RNPEP: variants seen among roughly 807,000 people sequenced by gnomAD.
RNPEP encodes arginyl aminopeptidase, also known as aminopeptidase B.
RNPEP carries 57 observed loss-of-function variants against 70.1 expected under a neutral mutation model. The ratio of observed to expected loss-of-function variants is 0.81; its 90% confidence interval spans 0.66 to 1.01. RNPEP has a LOEUF of 1.01. RNPEP is among the 50% of genes least tolerant of loss of function. The probability of loss-of-function intolerance (pLI) is 0.00; values close to 1 mark genes in which losing one functional copy is unlikely to be tolerated. For synonymous variants in RNPEP, 335 were observed against 357.4 expected, an observed-to-expected ratio of 0.94 and a Z score of 0.71; for missense variants, 787 against 852.4, an observed-to-expected ratio of 0.92 and a Z score of 0.96.
chr1:202,005,141 T>C (rs1310087483), intron 10 of RNPEP, among the ~76,000 whole-genome samples: 4 of 152,134 alleles, frequency 2.6e-5, no homozygotes, highest in African/African-American at 7.2e-5. Context: ...GAATTTGACC[T>C]GTGGGTTGAC....
intron 10 of RNPEP, 38 bp from the exon 11 acceptor site, chr1:202,005,520 G>C: frequency 4.4e-6 from 7 of 1,607,814 alleles, no homozygotes; most frequent in Non-Finnish European, 6.0e-6. Context: ...GATCCACCAG[G>C]CAAGCTTCTT....
chr1:201,986,152 A>T (rs1683124426), intron 1 of RNPEP, among the ~76,000 whole-genome samples: 1 of 152,192 alleles, frequency 6.6e-6, no homozygotes, highest in South Asian at 2.1e-4. Flanking sequence ...CTTGTCTCAA[A>T]CGCTTGGGCT....
At position 202,005,482 on chromosome 1, in the gene RNPEP, C is replaced by T. The variant is rs908292761; in HGVS notation, c.1795-76C>T. ...GCACCTAGCCATGGCTGCTGTTAGA[C>T]TGGCACTGGGGGCAGCAGGGCTGGA... On this transcript the variant is annotated intron_variant, in intron 10 of 10. Coordinates refer to ENST00000295640, the MANE Select transcript of RNPEP (RefSeq NM_020216.4). 19 of 1,541,388 alleles carry T rather than the reference C, an allele frequency of 1.2e-5. No homozygotes were observed. The Admixed American group carries it at 3.1e-4, about 25-fold the overall frequency.
intron 5 of RNPEP, among the ~76,000 whole-genome samples, chr1:201,998,286 G>A (rs1290231322): frequency 3.6e-5 from 5 of 138,402 alleles, no homozygotes; most frequent in Admixed American, 7.7e-5. Context: ...AGGCTGGAGT[G>A]CAGCGTTGCA....
At chr1:202,003,214 G>A in intron 8 of RNPEP, 23 bp from the exon 9 acceptor site, 5 of 1,577,002 alleles carry the variant, frequency 3.2e-6, no homozygotes, top group Non-Finnish European at 4.3e-6. Context: ...AATTCTGATA[G>A]TGTCTTCTCT....
At chr1:201,989,317 C>T in intron 2 of RNPEP, 66 bp from the exon 3 acceptor site, 1 of 1,571,828 alleles carries the variant, frequency 6.4e-7, no homozygotes, top group South Asian at 1.2e-5. Flanking sequence ...CGGTCATGCT[C>T]TTATTCAAAC....
intron 1 of RNPEP, chr1:201,983,426 C>T: frequency 2.7e-6 from 4 of 1,467,524 alleles, no homozygotes; most frequent in Non-Finnish European, 3.7e-6. Flanking sequence ...CCGCTCATCG[C>T]ACACTGCCGT....
intron 3 of RNPEP, among the ~76,000 whole-genome samples, chr1:201,990,314 A>G (rs1169102278): frequency 6.6e-6 from 1 of 152,190 alleles, no homozygotes; most frequent in African/African-American, 2.4e-5. Flanking sequence ...TCTCCTTCCT[A>G]TCTGCAGCAG....
chr1:201,989,194 A>T, intron 2 of RNPEP, 150 bp downstream of exon 2: 2 of 1,234,832 alleles, frequency 1.6e-6, no homozygotes, highest in Non-Finnish European at 2.3e-6. Flanking sequence ...CCACCTACTG[A>T]AGTTGTATGT....
chr1:201,988,843 T>C, intron 1 of RNPEP, 61 bp from the exon 2 acceptor site: 1 of 1,544,228 alleles, frequency 6.5e-7, no homozygotes, highest in Non-Finnish European at 8.7e-7. Flanking sequence ...AGCTCACTTC[T>C]CTGGCCAGAC....
intron 5 of RNPEP, among the ~76,000 whole-genome samples, chr1:201,998,465 T>TG (rs1683655241): frequency 6.6e-6 from 1 of 152,096 alleles, no homozygotes. Flanking sequence ...AGACTGGTCT[T>TG]GAACTCCTGG....
Position 201,999,883 on chromosome 1 carries a change from AC to A in RNPEP, c.1091-18del, listed in dbSNP as rs1683720964. 6.2e-7 allele frequency: 1 copy of A among 1,603,216 alleles called. No homozygotes were observed. Among genetic ancestry groups the A allele is most frequent in the Admixed American group, 1.7e-5 (1 of 59,146 alleles). ...GGTGACAGACGTTTTCCCGAGGCTT[AC>A]GTTTGATTCTGCACCAGGCGCTGCG... On this transcript the variant is annotated intron_variant, in intron 5 of 10. Coordinates refer to ENST00000295640, the MANE Select transcript of RNPEP (RefSeq NM_020216.4).
At chr1:201,990,743 T>C (rs1345139846) in intron 3 of RNPEP, among the ~76,000 whole-genome samples, 2 of 152,162 alleles carry the variant, frequency 1.3e-5, no homozygotes, top group Non-Finnish European at 2.9e-5. Flanking sequence ...ACAATACCAG[T>C]CTGGAAAGAC....
Position 202,003,391 on chromosome 1 carries a change from C to A in RNPEP, c.1581C>A (p.Ile527=). 6.2e-7 allele frequency: 1 copy of A among 1,614,186 alleles called. No homozygotes were observed. The highest frequency in any genetic ancestry group is 8.5e-7 in the Non-Finnish European group (1 of 1,180,020). ...TGAAGGCCATTGAAGCCGTGGCCAT[C>A]TCTCCCTGGAAGACCTACCAGCTGG... The part of the protein sequence containing the change: ...LDMKAIEAVA[I]SPWKTYQLVY... The change falls in exon 9 of 11, where the codon ATC becomes ATA. Residue 527 remains isoleucine, a synonymous_variant. Transcript: ENST00000295640.
rs1204796172 is a variant in RNPEP at position 201,997,388 on chromosome 1, C to T, written c.924C>T (p.Val308=). ...TGGAGAACCCTTGTCTGACCTTTGT[C>T]ACCCCCTGCCTGCTAGCTGGGGACC... ...GGMENPCLTF[V]TPCLLAGDRS... is the part of the protein sequence containing the mutation. The change falls in exon 5 of 11, where the codon GTC becomes GTT. Residue 308 remains valine (V), a synonymous_variant. Coordinates refer to ENST00000295640, the MANE Select transcript of RNPEP (RefSeq NM_020216.4). 3 of 1,614,164 alleles carry T rather than the reference C, an allele frequency of 1.9e-6. No homozygotes were observed. The South Asian group carries it at 3.3e-5, about 18-fold the overall frequency.
chr1:202,001,788 A>G (rs768905256), intron 8 of RNPEP, 21 bp downstream of exon 8: 4 of 1,377,690 alleles, frequency 2.9e-6, no homozygotes, highest in South Asian at 2.3e-5. Context: ...GAACTGGCCC[A>G]CAGGCTTCTA....
chr1:201,990,424 G>C (rs1683286576), intron 3 of RNPEP, among the ~76,000 whole-genome samples: 1 of 150,044 alleles, frequency 6.7e-6, no homozygotes, highest in African/African-American at 2.5e-5. Context: ...TGATAAAAGA[G>C]GTTTGACCAG....
At chr1:202,000,646 G>A (rs1047817596) in intron 6 of RNPEP, among the ~76,000 whole-genome samples, 29 of 152,092 alleles carry the variant, frequency 1.9e-4, no homozygotes, top group Admixed American at 4.6e-4. Context: ...GGTGGTTCAC[G>A]CCTGTAATCC....
chr1:201,984,817 C>CTTTCTTT, intron 1 of RNPEP, among the ~76,000 whole-genome samples: 2 of 15,228 alleles, frequency 1.3e-4, no homozygotes, highest in African/African-American at 5.5e-4. Flanking sequence ...TTTTGTATTT[C>CTTTCTTT]TTTCTTTTTT....
Sources: gnomAD v4.1 joint callset for allele counts (sites outside exome capture counted in the v4.1 genomes callset) on GRCh38, gnomAD v4.1.1 for gene constraint, MANE v1.5 for transcripts, NCBI Gene and HGNC (gene_info 2026-07-23, HGNC 2026-07-21) for gene names.